PRKCB: variants seen among roughly 807,000 people sequenced by gnomAD.
PRKCB encodes protein kinase C beta type.
A neutral mutation model predicts 81.5 loss-of-function variants in PRKCB; 13 were observed. The ratio of observed to expected loss-of-function variants is 0.16; its 90% confidence interval spans 0.10 to 0.25. The LOEUF (loss-of-function observed/expected upper bound fraction) is 0.25, where lower values mean the gene tolerates loss of function less well. PRKCB is among the 10% of genes least tolerant of loss of function. The probability of loss-of-function intolerance (pLI) is 1.00; values close to 1 mark genes in which losing one functional copy is unlikely to be tolerated. For missense variants in PRKCB, 509 were observed against 875.7 expected (o/e 0.58, Z 5.29); for synonymous variants, 335 against 321.4 (o/e 1.04, Z -0.45).
intron 2 of PRKCB, among the ~76,000 whole-genome samples, chr16:23,928,747 T>A (rs890372969): frequency 6.6e-6 from 1 of 151,560 alleles, no homozygotes; most frequent in African/African-American, 2.4e-5. Context: ...AGATGGGGCC[T>A]TGCTCTTGTT....
chr16:23,921,730 G>C (rs184473890), intron 2 of PRKCB, among the ~76,000 whole-genome samples: 77 of 152,186 alleles, frequency 5.1e-4, no homozygotes, highest in African/African-American at 1.4e-3. Context: ...GAATCTGAGA[G>C]GCAGAGGTTG....
intron 2 of PRKCB, among the ~76,000 whole-genome samples, chr16:23,982,061 C>T (rs1465654007): frequency 1.8e-5 from 2 of 110,990 alleles, no homozygotes; most frequent in South Asian, 3.1e-4. Context: ...CTTTCCCTTC[C>T]CCTTCTCTTT....
intron 3 of PRKCB, among the ~76,000 whole-genome samples, chr16:23,998,888 C>G (rs1217833179): frequency 3.3e-5 from 5 of 152,194 alleles, no homozygotes; most frequent in African/African-American, 1.2e-4. Flanking sequence ...TGAGACCCCT[C>G]TCTGTATGAA....
chr16:24,156,120 T>C (rs545534683), intron 10 of PRKCB, among the ~76,000 whole-genome samples: 3 of 152,332 alleles, frequency 2.0e-5, no homozygotes, highest in Admixed American at 6.5e-5. Flanking sequence ...CTAGTGAGAA[T>C]GCCTTTATAA....
chr16:23,966,953 G>A (rs1050566614), intron 2 of PRKCB, among the ~76,000 whole-genome samples: 11 of 152,058 alleles, frequency 7.2e-5, no homozygotes, highest in Non-Finnish European at 1.3e-4. Context: ...AGAAAAGCCG[G>A]AAACCTGGAT....
At chr16:24,180,483 G>C (rs893774650) in intron 12 of PRKCB, among the ~76,000 whole-genome samples, 1 of 152,172 alleles carries the variant, frequency 6.6e-6, no homozygotes, top group Admixed American at 6.5e-5. Flanking sequence ...TCCAAGAAGC[G>C]TCATGGATGC....
chr16:24,096,661 AAAAAAATATATATATAT>A lies in PRKCB; in HGVS notation c.821+2366_821+2382del, dbSNP rs1235361109. Among the ~76,000 whole-genome samples, 45 of 49,232 alleles carry A rather than the reference AAAAAAATATATATATAT, an allele frequency of 9.1e-4. 1 individual carries two copies. The East Asian group carries it at 0.022, about 24-fold the overall frequency. The allele number at this position is 49,232 out of a possible 152,430, so 32.3% of individuals were successfully genotyped here. ...TGCTCCCTTCCTATGGCAAAAAAAA[AAAAAAATATATATATAT>A]ATATATATATATATATATATATATA... is the stretch of plus-strand genomic sequence containing the variant. On this transcript the variant is annotated intron_variant, in intron 7 of 16. Coordinates refer to ENST00000643927, the MANE Select transcript of PRKCB (RefSeq NM_002738.7).
At chr16:23,906,171 A>G (rs1963558379) in intron 2 of PRKCB, among the ~76,000 whole-genome samples, 1 of 152,228 alleles carries the variant, frequency 6.6e-6, no homozygotes, top group South Asian at 2.1e-4. Context: ...TCCCTCAGAC[A>G]GCTTGTTCCC....
At chr16:23,970,945 G>C (rs1194780193) in intron 2 of PRKCB, among the ~76,000 whole-genome samples, 1 of 152,176 alleles carries the variant, frequency 6.6e-6, no homozygotes, top group Non-Finnish European at 1.5e-5. Flanking sequence ...AGTGGTCAGG[G>C]CTTGACCAAC....
In PRKCB at chr16:24,180,805, C is replaced by T; in HGVS notation, c.1410C>T (p.Asp470=). The T allele has an allele frequency of 1.2e-6, 2 of 1,613,980 alleles. No individual in the cohort carries two copies. The highest frequency in any genetic ancestry group is 1.7e-6 in the Non-Finnish European group (2 of 1,179,896). Residue 470 remains aspartate, a synonymous_variant, in exon 13 of 17, where the codon GAC becomes GAT. Coordinates refer to ENST00000643927, the MANE Select transcript of PRKCB (RefSeq NM_002738.7). The part of the protein sequence containing the change: ...KGIIYRDLKL[D]NVMLDSEGHI... ...TCTGCCATAGTGACCTAAAACTTGA[C>T]AACGTGATGCTCGATTCTGAGGGAC...
intron 5 of PRKCB, among the ~76,000 whole-genome samples, chr16:24,057,820 A>G (rs907851152): frequency 6.6e-6 from 1 of 152,064 alleles, no homozygotes; most frequent in African/African-American, 2.4e-5. Context: ...TCTATTTTCT[A>G]CTTTGAAAGA....
At chr16:24,024,010 A>G (rs1250908055) in intron 3 of PRKCB, among the ~76,000 whole-genome samples, 1 of 152,208 alleles carries the variant, frequency 6.6e-6, no homozygotes, top group Non-Finnish European at 1.5e-5. Flanking sequence ...ATTTTAGAGG[A>G]CACAGGGAGG....
At chr16:24,172,215 T>A (rs1967451564) in intron 10 of PRKCB, 55 bp from the exon 11 acceptor site, 1 of 1,349,332 alleles carries the variant, frequency 7.4e-7, no homozygotes, top group East Asian at 2.3e-5. Context: ...CACTGTCCAT[T>A]TGGAGCCCCA....
chr16:23,971,768 A>G (rs549479880), intron 2 of PRKCB, among the ~76,000 whole-genome samples: 58 of 152,146 alleles, frequency 3.8e-4, no homozygotes, highest in Middle Eastern at 3.4e-3. Context: ...TTAATTGAAC[A>G]TCTAGAATGC....
chr16:24,021,040 C>CTTTATTTATT lies in PRKCB; in HGVS notation c.289-11095_289-11094insTTATTTATTT, dbSNP rs1256784385. Among the ~76,000 whole-genome samples the CTTTATTTATT allele has an allele frequency of 3.0e-3, 220 of 72,396 alleles. 1 individual carries two copies. Among genetic ancestry groups the CTTTATTTATT allele is most frequent in the African/African-American group, 9.3e-3 (209 of 22,394 alleles). The allele number at this position is 72,396 out of a possible 152,430, so 47.5% of individuals were successfully genotyped here. On this transcript the variant is annotated intron_variant, in intron 3 of 16. Coordinates refer to ENST00000643927, the MANE Select transcript of PRKCB (RefSeq NM_002738.7). ...TCTTTCTTTCTTTCTTTCTTTCTTT[C>CTTTATTTATT]TCTTTCTTTCTTTCTTTCCCTCCCT...
At chr16:23,951,032 G>A (rs1433112246) in intron 2 of PRKCB, among the ~76,000 whole-genome samples, 1 of 152,132 alleles carries the variant, frequency 6.6e-6, no homozygotes, top group African/African-American at 2.4e-5. Context: ...TATCCCAGAG[G>A]AGCCATAGGG....
At chr16:23,845,368 A>T (rs1335101391) in intron 2 of PRKCB, among the ~76,000 whole-genome samples, 1 of 152,074 alleles carries the variant, frequency 6.6e-6, no homozygotes, top group African/African-American at 2.4e-5. Flanking sequence ...TGGTCTGGGA[A>T]TTAAAAAAAA....
chr16:23,858,582 G>C (rs543293642), intron 2 of PRKCB, among the ~76,000 whole-genome samples: 1 of 151,788 alleles, frequency 6.6e-6, no homozygotes, highest in Admixed American at 6.6e-5. Context: ...CACATGTGTA[G>C]ATTTTTTTAG....
At chr16:23,885,145 ACTAACTC>A (rs1359203349) in intron 2 of PRKCB, among the ~76,000 whole-genome samples, 1 of 152,168 alleles carries the variant, frequency 6.6e-6, no homozygotes, top group Non-Finnish European at 1.5e-5. Context: ...TATGCCAGAC[ACTAACTC>A]TATGATTTAA....
Sources: allele counts gnomAD v4.1 joint callset (sites outside exome capture counted in the v4.1 genomes callset), GRCh38; gene constraint gnomAD v4.1.1; transcripts MANE v1.5; gene names NCBI Gene and HGNC (gene_info 2026-07-23, HGNC 2026-07-21).